The following SAG variants were observed in gnomAD, a reference collection of about 807,000 sequenced individuals.
The protein encoded by SAG is S-arrestin.
A neutral mutation model predicts 55.0 loss-of-function variants in SAG; 45 were observed. The observed-to-expected ratio is 0.82, with a 90% CI of 0.64 to 1.05. SAG has a LOEUF of 1.05. Ranked by LOEUF, SAG falls within the 50% of genes least tolerant of loss-of-function variation. The pLI, the probability that SAG is intolerant of heterozygous loss-of-function variation, is 0.00. For synonymous variants in SAG, 189 were observed against 197.4 expected, an observed-to-expected ratio of 0.96 and a Z score of 0.36; for missense variants, 455 against 512.1, an observed-to-expected ratio of 0.89 and a Z score of 1.08.
intron 1 of SAG, among the ~76,000 whole-genome samples, chr2:233,308,886 T>C (rs951482163): frequency 5.3e-5 from 8 of 152,228 alleles, no homozygotes; most frequent in Non-Finnish European, 7.3e-5. Flanking sequence ...TAAAACCTCA[T>C]TGGAATCTAG....
intron 6 of SAG, among the ~76,000 whole-genome samples, chr2:233,323,269 G>A (rs1700442288): frequency 6.6e-6 from 1 of 152,206 alleles, no homozygotes; most frequent in African/African-American, 2.4e-5. Context: ...ACACTGACCA[G>A]GCTGGTCTCA....
At position 233,338,585 on chromosome 2, in the gene SAG, C is replaced by T. The variant is rs746225259; in HGVS notation, c.945-91C>T. 47 of 1,133,544 alleles carry T rather than the reference C, an allele frequency of 4.1e-5. 1 individual carries two copies. The highest frequency in any genetic ancestry group is 5.0e-5 in the South Asian group (4 of 79,490). The allele number at this position is 1,133,544 out of a possible 1,614,324, so 70.2% of individuals were successfully genotyped here. On this transcript the variant is annotated intron_variant, in intron 11 of 15. Coordinates refer to ENST00000409110, the MANE Select transcript of SAG (RefSeq NM_000541.5). ...ACCAGTCCCTGGAGAACCTCCATGACGGCATGCCTGCCTCGAATGGAAAGG... is the reference window on the plus strand; with the variant it reads ...ACCAGTCCCTGGAGAACCTCCATGATGGCATGCCTGCCTCGAATGGAAAGG...
chr2:233,336,580 A>G (rs1485676333), intron 11 of SAG, among the ~76,000 whole-genome samples: 1 of 151,694 alleles, frequency 6.6e-6, no homozygotes, highest in Non-Finnish European at 1.5e-5. Context: ...CTCCATGAGG[A>G]AGGTATATTT....
intron 7 of SAG, chr2:233,328,084 T>C (rs755761793): frequency 6.1e-5 from 10 of 164,950 alleles, no homozygotes; most frequent in Non-Finnish European, 1.3e-4. Flanking sequence ...CATGTACACA[T>C]CTCTGGAGGC....
intron 2 of SAG, among the ~76,000 whole-genome samples, chr2:233,315,315 C>T (rs1331697233): frequency 1.0e-5 from 1 of 99,746 alleles, no homozygotes; most frequent in Non-Finnish European, 1.8e-5. Flanking sequence ...TTTTTTGAGA[C>T]AGAGTCTTGC....
Position 233,341,156 on chromosome 2 carries a change from T to C in SAG, c.1046+678T>C, listed in dbSNP as rs2125351456. On this transcript the variant is annotated intron_variant, in intron 13 of 15. Coordinates refer to ENST00000409110, the MANE Select transcript of SAG (RefSeq NM_000541.5). ...CGTTTTGTTTTATTTTATTTTATTT[T>C]ATTTTGAGACAGAGTCTTGCTCTGT... 1.3e-5 allele frequency among the ~76,000 whole-genome samples: 2 copies of C among 152,274 alleles called. 1 individual carries two copies. Among genetic ancestry groups the C allele is most frequent in the South Asian group, 4.1e-4 (2 of 4,824 alleles).
chr2:233,338,119 G>T (rs181164876), intron 11 of SAG, among the ~76,000 whole-genome samples: 39 of 152,358 alleles, frequency 2.6e-4, no homozygotes, highest in African/African-American at 8.4e-4. Context: ...AGGCAGGAGA[G>T]AAGGAGGGGG....
chr2:233,343,388 A>G (rs2125353868), intron 14 of SAG: 1 of 191,888 alleles, frequency 5.2e-6, no homozygotes. Context: ...CGGCCTGAAG[A>G]TAACTATTTT....
intron 9 of SAG, among the ~76,000 whole-genome samples, chr2:233,331,260 C>T (rs1203009574): frequency 1.3e-5 from 2 of 152,186 alleles, no homozygotes; most frequent in Non-Finnish European, 2.9e-5. Context: ...CCTTCCTATC[C>T]ACCACGTTCC....
chr2:233,318,818 A>G, intron 4 of SAG, 23 bp downstream of exon 4: 1 of 1,611,218 alleles, frequency 6.2e-7, no homozygotes, highest in Non-Finnish European at 8.5e-7. Flanking sequence ...CCCTTGTCTC[A>G]GGCTGGTTTC....
chr2:233,343,081 G>GTTTTTTTTTTTTTTT (rs34180640), intron 14 of SAG: 1 of 104,342 alleles, frequency 9.6e-6, no homozygotes, highest in Admixed American at 1.3e-4. Flanking sequence ...TTTTTTTGGG[G>GTTTTTTTTTTTTTTT]TTTTTTTTTT....
At position 233,340,515 on chromosome 2, in the gene SAG, A is replaced by C; in HGVS notation, c.1046+37A>C. 6.4e-7 allele frequency: 1 copy of C among 1,571,048 alleles called. No individual in the cohort carries two copies. Among genetic ancestry groups the C allele is most frequent in the Non-Finnish European group, 8.7e-7 (1 of 1,146,166 alleles). On this transcript the variant is annotated intron_variant, in intron 13 of 15. Coordinates refer to ENST00000409110, the MANE Select transcript of SAG (RefSeq NM_000541.5). The surrounding 1 kb of genome is among the most constrained non-coding windows in gnomAD (Gnocchi z 4.2). Reference sequence around the variant, plus strand: ...CACCTTCCTTGTTTGATTGTTTCTCAAGATATCAAAGGCAGCAAACTTGGG... The same window carrying C: ...CACCTTCCTTGTTTGATTGTTTCTCCAGATATCAAAGGCAGCAAACTTGGG...
intron 15 of SAG, 55 bp downstream of exon 15, chr2:233,346,467 C>T (rs1701255659): frequency 1.3e-6 from 2 of 1,583,016 alleles, no homozygotes; most frequent in African/African-American, 1.3e-5. Context: ...GGGACCTTCT[C>T]CTCCAGCACA....
Position 233,320,720 on chromosome 2 carries a change from G to A in SAG, c.272G>A (p.Arg91Gln), listed in dbSNP as rs753529922. 60 of 1,604,796 alleles carry A rather than the reference G, an allele frequency of 3.7e-5. No homozygotes were observed. In the South Asian group the frequency reaches 5.4e-4, roughly 14 times the overall value. Residue 91 changes from arginine (R) to glutamine (Q), a missense_variant, in exon 5 of 16, where the codon CGG becomes CAG. Arg to Gln is a conservative substitution (Grantham distance 43). Coordinates refer to ENST00000409110, the MANE Select transcript of SAG (RefSeq NM_000541.5). Reference sequence around the variant, plus strand: ...TTCCGCAGGGACCTGTACTTCTCCCGGGTCCAGGTGTATCCTCCTGTGGGG... The same window carrying A: ...TTCCGCAGGGACCTGTACTTCTCCCAGGTCCAGGTGTATCCTCCTGTGGGG... Reference protein sequence around the residue: ...LTFRRDLYFSRVQVYPPVGAA... With the variant: ...LTFRRDLYFSQVQVYPPVGAA...
chr2:233,328,320 C>A, intron 7 of SAG, 158 bp from the exon 8 acceptor site: 1 of 800,770 alleles, frequency 1.2e-6, no homozygotes, highest in Non-Finnish European at 1.9e-6. Flanking sequence ...TCAGGGCTGC[C>A]TCAGGCTCTG....
chr2:233,309,502 C>T (rs1574923043), intron 2 of SAG, among the ~76,000 whole-genome samples: 2 of 152,132 alleles, frequency 1.3e-5, no homozygotes, highest in African/African-American at 4.8e-5. Flanking sequence ...CAAAAATTAG[C>T]TGGGTATGGT....
At chr2:233,309,057 G>A (rs1700007472) in intron 1 of SAG, 105 bp from the exon 2 acceptor site, 7 of 640,792 alleles carry the variant, frequency 1.1e-5, no homozygotes, top group Admixed American at 2.6e-5. Context: ...TGGTGAGGAC[G>A]CACAGGATCT....
At position 233,346,905 on chromosome 2, in the gene SAG, A is replaced by T. The variant is rs1486598623; in HGVS notation, c.1211A>T (p.Asp404Val). Reference sequence around the variant, plus strand: ...GGGAAGAGAGACAAGAATGACGTTGATGAGTGAAGATGTCGGCTCAGGATG... The same window carrying T: ...GGGAAGAGAGACAAGAATGACGTTGTTGAGTGAAGATGTCGGCTCAGGATG... Reference protein sequence around the residue: ...EEGKRDKNDVDE With the variant: ...EEGKRDKNDVVE The change falls in exon 16 of 16, where the codon GAT becomes GTT. Residue 404 changes from aspartate (D) to valine (V), a missense_variant. By Grantham distance (152) the Asp-to-Val change is radical. Transcript: ENST00000409110. The T allele has an allele frequency of 3.8e-6, 6 of 1,583,722 alleles. No individual in the cohort carries two copies. Among genetic ancestry groups the T allele is most frequent in the Non-Finnish European group, 5.2e-6 (6 of 1,153,714 alleles).
intron 2 of SAG, among the ~76,000 whole-genome samples, chr2:233,312,913 C>G (rs1435908254): frequency 3.3e-5 from 5 of 152,230 alleles, no homozygotes; most frequent in Non-Finnish European, 7.3e-5. Context: ...ATTGCCAGTT[C>G]ACTTGCTGGG....
Sources: allele counts gnomAD v4.1 joint callset (sites outside exome capture counted in the v4.1 genomes callset), GRCh38; gene constraint gnomAD v4.1.1; non-coding constraint Gnocchi (gnomAD v3.1); transcripts MANE v1.5; gene names NCBI Gene and HGNC (gene_info 2026-07-23, HGNC 2026-07-21).